DMD: variants seen among roughly 807,000 people sequenced by gnomAD.
The protein encoded by DMD is dystrophin, also known as mutant dystrophin.
DMD carries 63 observed loss-of-function variants against 330.1 expected under a neutral mutation model. The observed-to-expected ratio is 0.19, with a 90% CI of 0.16 to 0.24. The LOEUF (loss-of-function observed/expected upper bound fraction) is 0.24. Among genes scored for constraint, DMD ranks in the 10% least tolerant of loss-of-function variants. The pLI is 1.00. For synonymous variants in DMD, 1,223 were observed against 959.8 expected (o/e 1.27, Z -5.07); for missense variants, 3,344 against 2,684.1 (o/e 1.25, Z -5.43).
intron 67 of DMD, among the ~76,000 whole-genome samples, chrX:31,185,388 G>T (rs553158281): frequency 2.7e-5 from 3 of 110,944 alleles, no homozygotes; most frequent in Non-Finnish European, 5.7e-5. Flanking sequence ...CCCCCTCTCT[G>T]CCCCACATCT....
chrX:31,560,472 A>G (rs7062876), intron 55 of DMD, among the ~76,000 whole-genome samples: 17,353 of 111,541 alleles, frequency 0.16, 1,355 homozygotes, highest in African/African-American at 0.28. Context: ...TAAGCTCTTC[A>G]CAAAGCTGAA....
rs193226380 is a variant in DMD, at chrX:32,129,515, C to A, written c.6438+87401G>T. Among the ~76,000 whole-genome samples the A allele has an allele frequency of 5.2e-4, 57 of 110,657 alleles. No homozygotes were observed. In the East Asian group the frequency reaches 0.012, roughly 24 times the overall value. ...TCTTCCTACTTAAAGGAGATCATAA[C>A]GATTGAATCAGGATTACATTCAAAT... On this transcript the variant is annotated intron_variant, in intron 44 of 78. Coordinates refer to ENST00000357033, the MANE Select transcript of DMD (RefSeq NM_004006.3).
At chrX:33,051,646 A>ATTTTTTTTT (rs754035822) in intron 1 of DMD, among the ~76,000 whole-genome samples, 71 of 71,914 alleles carry the variant, frequency 9.9e-4, no homozygotes, top group Middle Eastern at 7.6e-3. Context: ...ATTACGCTCT[A>ATTTTTTTTT]TTTTTTTTTT....
intron 61 of DMD, among the ~76,000 whole-genome samples, chrX:31,329,475 AAGT>A (rs2148344540): frequency 8.9e-6 from 1 of 112,121 alleles, no homozygotes; most frequent in East Asian, 2.8e-4. Context: ...CACTTTTATG[AAGT>A]GTCTGAAATA....
intron 43 of DMD, among the ~76,000 whole-genome samples, chrX:32,284,661 T>C (rs1382913455): frequency 8.9e-6 from 1 of 111,853 alleles, no homozygotes; most frequent in Non-Finnish European, 1.9e-5. Context: ...ATCAGAAATG[T>C]ATGGAGCAGA....
chrX:31,527,460 CT>C (rs775865447), intron 55 of DMD, among the ~76,000 whole-genome samples: 6 of 112,020 alleles, frequency 5.4e-5, no homozygotes, highest in African/African-American at 1.9e-4. Flanking sequence ...TCTACACAAT[CT>C]TTTTTTATTT....
intron 48 of DMD, among the ~76,000 whole-genome samples, chrX:31,865,196 C>A (rs866290467): frequency 3.6e-5 from 4 of 112,017 alleles, no homozygotes; most frequent in Non-Finnish European, 7.5e-5. Context: ...TATCCACAAA[C>A]TTAAACAAAC....
chrX:32,630,545 C>T (rs1316166198), intron 11 of DMD, among the ~76,000 whole-genome samples: 1 of 111,197 alleles, frequency 9.0e-6, no homozygotes, highest in Non-Finnish European at 1.9e-5. Flanking sequence ...TCTCCTCTGA[C>T]TGTATTTACA....
chrX:31,995,967 G>T (rs761298000), intron 44 of DMD, among the ~76,000 whole-genome samples: 5 of 111,922 alleles, frequency 4.5e-5, no homozygotes, highest in African/African-American at 1.6e-4. Flanking sequence ...ACTATTTCTT[G>T]CATGTCTGCA....
chrX:32,575,733 A>G (rs2052967912), intron 13 of DMD, among the ~76,000 whole-genome samples: 1 of 112,162 alleles, frequency 8.9e-6, no homozygotes, highest in Admixed American at 9.5e-5. Context: ...TCTCTTAAGT[A>G]TAAACTACAC....
At chrX:33,085,391 T>G (rs2094990264) in intron 1 of DMD, among the ~76,000 whole-genome samples, 1 of 111,705 alleles carries the variant, frequency 9.0e-6, no homozygotes, top group Non-Finnish European at 1.9e-5. Flanking sequence ...CAGTATTAAT[T>G]ATTGTTATTT....
At chrX:32,955,853 G>A (rs184090191) in intron 2 of DMD, among the ~76,000 whole-genome samples, 1 of 111,730 alleles carries the variant, frequency 9.0e-6, no homozygotes, top group Non-Finnish European at 1.9e-5. Flanking sequence ...GTTGCTAGGT[G>A]TGCAGTCTTA....
chrX:32,550,571 C>T (rs755387073), intron 16 of DMD, among the ~76,000 whole-genome samples: 13 of 110,526 alleles, frequency 1.2e-4, no homozygotes, highest in Non-Finnish European at 2.5e-4. Flanking sequence ...ACGAACATCA[C>T]AAGGAACGAG....
chrX:32,641,484 T>A (rs752719555), intron 11 of DMD: 4 of 134,207 alleles, frequency 3.0e-5, no homozygotes. Context: ...GCTATTAGGT[T>A]GGTACAAAAG....
intron 17 of DMD, among the ~76,000 whole-genome samples, chrX:32,526,321 G>A (rs768860960): frequency 4.3e-4 from 48 of 111,813 alleles, no homozygotes; most frequent in Non-Finnish European, 7.9e-4. Flanking sequence ...TTTATGGTTA[G>A]CAGTGAAGCG....
rs1414260066 is a variant in DMD at position 31,279,245 on chromosome X, T to A, written c.9225-18229A>T. 3.5e-5 allele frequency among the ~76,000 whole-genome samples: 4 copies of A among 112,805 alleles called. No individual in the cohort carries two copies. The East Asian group carries it at 1.1e-3, about 31-fold the overall frequency. ...CTGTGAAGCCACAAACAGTTTAGCC[T>A]AGCAATGATTACTCACAAAGCATGA... is the stretch of plus-strand genomic sequence containing the variant. On this transcript the variant is annotated intron_variant, in intron 62 of 78. Transcript: ENST00000357033.
intron 52 of DMD, among the ~76,000 whole-genome samples, chrX:31,702,486 C>T (rs780032450): frequency 8.9e-6 from 1 of 111,959 alleles, no homozygotes; most frequent in East Asian, 2.8e-4. Flanking sequence ...ATCCTTCATT[C>T]TTCTTTCTTC....
intron 55 of DMD, among the ~76,000 whole-genome samples, chrX:31,544,688 T>C (rs1036880622): frequency 2.7e-5 from 3 of 111,428 alleles, no homozygotes; most frequent in African/African-American, 9.8e-5. Context: ...TGAAGGCTCC[T>C]GTGTCATGTG....
At chrX:32,762,635 G>T (rs5972668) in intron 7 of DMD, among the ~76,000 whole-genome samples, 14,687 of 110,179 alleles carry the variant, frequency 0.13, 1,237 homozygotes, top group African/African-American at 0.29. Flanking sequence ...CTGAATGGCA[G>T]GAAGTTGTCA....
Sources: allele counts gnomAD v4.1 joint callset (sites outside exome capture counted in the v4.1 genomes callset), GRCh38; gene constraint gnomAD v4.1.1; transcripts MANE v1.5; gene names NCBI Gene and HGNC (gene_info 2026-07-23, HGNC 2026-07-21).